ANP32A: variants seen among roughly 807,000 people sequenced by gnomAD.
The protein encoded by ANP32A is acidic leucine-rich nuclear phosphoprotein 32 family member A.
In ANP32A, 1 loss-of-function variant was observed where a neutral mutation model predicts 33.9. That is an observed-to-expected ratio of 0.03 (90% CI 0.01 to 0.14). The LOEUF is 0.14. Among genes scored for constraint, ANP32A ranks in the 10% least tolerant of loss-of-function variants. The pLI is 1.00. For missense variants in ANP32A, 155 were observed against 306.0 expected (o/e 0.51, Z 3.68); for synonymous variants, 115 against 120.5 (o/e 0.95, Z 0.30).
chr15:68,780,287 G>C lies in ANP32A; in HGVS notation c.688+123C>G, dbSNP rs546718455. 1 of 1,566,930 alleles carries C rather than the reference G, an allele frequency of 6.4e-7. No homozygotes were observed. The highest frequency in any genetic ancestry group is 2.3e-5 in the East Asian group (1 of 44,238). ...GGCAAGACATCTGCACAGCTGGAAG[G>C]GGAATCTGAGGCCTCTGACAGGAGT... On this transcript the variant is annotated intron_variant, in intron 6 of 6. Transcript: ENST00000465139. The surrounding 1 kb of genome is among the most constrained non-coding windows in gnomAD (Gnocchi z 4.3).
In ANP32A at chr15:68,780,152, TA is replaced by T. The variant is rs1893848977; in HGVS notation, c.689-11del. ...TGACCCCTTTCTTCTTCTGGAAAAGTAAGAAAGCGGCATTTAGATTAGTTAT... is the reference window on the plus strand; with the variant it reads ...TGACCCCTTTCTTCTTCTGGAAAAGTAGAAAGCGGCATTTAGATTAGTTAT... On this transcript the variant is annotated splice_polypyrimidine_tract_variant and intron_variant, in intron 6 of 6. Transcript: ENST00000465139. This position sits in a 1 kb window ranked among gnomAD's most constrained non-coding sequence, Gnocchi z 4.3. The T allele has an allele frequency of 1.2e-6, 2 of 1,613,482 alleles. No individual in the cohort carries two copies. Among genetic ancestry groups the T allele is most frequent in the African/African-American group, 2.7e-5 (2 of 74,876 alleles).
chr15:68,793,073 C>T (rs1206677734), intron 1 of ANP32A, among the ~76,000 whole-genome samples: 1 of 152,126 alleles, frequency 6.6e-6, no homozygotes, highest in Non-Finnish European at 1.5e-5. Flanking sequence ...TCTGTGCATC[C>T]TGGGGCACCA....
intron 1 of ANP32A, among the ~76,000 whole-genome samples, chr15:68,819,945 GAAGGGAGGCAGAGA>G (rs926519606): frequency 2.0e-5 from 3 of 152,168 alleles, no homozygotes; most frequent in African/African-American, 7.2e-5. Flanking sequence ...AGGAGGAGAG[GAAGGGAGGCAGAGA>G]AAGGGAGGGA....
chr15:68,779,824 AG>A lies in ANP32A; in HGVS notation c.*256del. The stretch of plus-strand genomic sequence containing the variant: ...GTGTGTACTTAGCTATCGCATTTAC[AG>A]GGACAAAAACCGGACACAAAGAAAA... On this transcript the variant is annotated 3_prime_UTR_variant, in exon 7 of 7. Coordinates refer to ENST00000465139, the MANE Select transcript of ANP32A (RefSeq NM_006305.4). The A allele has an allele frequency of 2.0e-6, 1 of 496,530 alleles. No homozygotes were observed. The highest frequency in any genetic ancestry group is 3.6e-6 in the Non-Finnish European group (1 of 278,660). The allele number at this position is 496,530 out of a possible 1,614,324, so 30.8% of individuals were successfully genotyped here.
chr15:68,788,585 G>A (rs539453473), intron 1 of ANP32A, among the ~76,000 whole-genome samples: 11 of 152,344 alleles, frequency 7.2e-5, no homozygotes, highest in African/African-American at 2.6e-4. Flanking sequence ...ATGTGGCCAC[G>A]GAGTGCGGCC....
chr15:68,801,852 C>CT (rs1339323520), intron 1 of ANP32A: 1 of 154,696 alleles, frequency 6.5e-6, no homozygotes, highest in East Asian at 1.9e-4. Context: ...AGGATAAACT[C>CT]TGAGGAATGG....
intron 1 of ANP32A, among the ~76,000 whole-genome samples, chr15:68,818,944 C>T (rs1178882435): frequency 6.6e-6 from 1 of 151,884 alleles, no homozygotes; most frequent in African/African-American, 2.4e-5. Flanking sequence ...CGGCCTCCAC[C>T]GGCGGCGCCC....
intron 1 of ANP32A, among the ~76,000 whole-genome samples, chr15:68,815,497 A>T (rs934930362): frequency 1.3e-5 from 2 of 152,210 alleles, no homozygotes; most frequent in African/African-American, 4.8e-5. Context: ...GGATTCAAAG[A>T]GTGTTCCATA....
chr15:68,792,868 TA>T (rs1384162546), intron 1 of ANP32A, among the ~76,000 whole-genome samples: 6 of 152,198 alleles, frequency 3.9e-5, no homozygotes, highest in African/African-American at 1.4e-4. Context: ...GTTTAACCTA[TA>T]AAGAGTAAAC....
Position 68,779,928 on chromosome 15 carries a change from C to A in ANP32A, c.*153G>T. The A allele has an allele frequency of 5.7e-5, 19 of 336,258 alleles. 1 individual carries two copies. Among genetic ancestry groups the A allele is most frequent in the South Asian group, 3.0e-4 (6 of 20,214 alleles). 20.8% of individuals were successfully genotyped at this position (336,258 alleles called of 1,614,324 possible). On this transcript the variant is annotated 3_prime_UTR_variant, in exon 7 of 7. Coordinates refer to ENST00000465139, the MANE Select transcript of ANP32A (RefSeq NM_006305.4). ...CCACCCGCCATCCCTCCCCCCGCAA[C>A]CCCCAGTACACTCTTCCCCTCTCGT...
intron 1 of ANP32A, 98 bp from the exon 2 acceptor site, chr15:68,788,017 A>G: frequency 7.0e-7 from 1 of 1,433,230 alleles, no homozygotes; most frequent in African/African-American, 1.4e-5. Context: ...AGACAGACGC[A>G]GGAAGCAGTC....
intron 1 of ANP32A, chr15:68,789,623 G>C (rs1893975538): frequency 6.6e-6 from 1 of 152,470 alleles, no homozygotes; most frequent in African/African-American, 2.4e-5. Flanking sequence ...AGTGGGCAGA[G>C]CAGGGGAGCA....
At chr15:68,802,511 A>G (rs1894150522) in intron 1 of ANP32A, among the ~76,000 whole-genome samples, 2 of 152,074 alleles carry the variant, frequency 1.3e-5, no homozygotes, top group South Asian at 4.1e-4. Flanking sequence ...GTTGCTTCCA[A>G]TCTTTTGTGT....
intron 1 of ANP32A, among the ~76,000 whole-genome samples, chr15:68,793,393 C>CTG (rs1297655193): frequency 6.6e-6 from 1 of 152,116 alleles, no homozygotes; most frequent in Non-Finnish European, 1.5e-5. Context: ...GGCAGGTCAG[C>CTG]TGTGCACACT....
In ANP32A at chr15:68,787,871, C is replaced by T; in HGVS notation, c.103G>A (p.Glu35Lys). The T allele has an allele frequency of 6.2e-7, 1 of 1,614,102 alleles. No homozygotes were observed. The highest frequency in any genetic ancestry group is 8.5e-7 in the Non-Finnish European group (1 of 1,180,022). The change falls in exon 2 of 7, where the codon GAA becomes AAA. Residue 35 changes from glutamate to lysine, a missense_variant. Coordinates refer to ENST00000465139, the MANE Select transcript of ANP32A (RefSeq NM_006305.4). ...DNSRSNEGKL[E>K]GLTDEFEELE... ...TCTTCAAATTCATCTGTGAGGCCTT[C>T]GAGTTTGCCTTCATTCGACCGACTG...
At chr15:68,798,525 A>ACTAACT (rs1204167208) in intron 1 of ANP32A, among the ~76,000 whole-genome samples, 2 of 152,188 alleles carry the variant, frequency 1.3e-5, no homozygotes, top group Non-Finnish European at 2.9e-5. Flanking sequence ...CTGGGTGGAA[A>ACTAACT]CTAACTCTGT....
At chr15:68,784,274 C>A (rs958837304) in intron 4 of ANP32A, 123 bp downstream of exon 4, 29 of 1,140,796 alleles carry the variant, frequency 2.5e-5, no homozygotes, top group East Asian at 5.1e-5. Context: ...AGACAGACAG[C>A]CAGCCTTCAG....
At chr15:68,818,389 T>A (rs1485118434) in intron 1 of ANP32A, 1 of 162,112 alleles carries the variant, frequency 6.2e-6, no homozygotes, top group African/African-American at 2.4e-5. Context: ...GAGCCATTTG[T>A]CTTAAGAACG....
chr15:68,779,974 C>T lies in ANP32A; in HGVS notation c.*107G>A. Reference sequence around the variant, plus strand: ...CTCGTTCCCACAGCAACGTTACAATCAGAAAAAAATAAGTTTCAGGGGGCA... The same window carrying T: ...CTCGTTCCCACAGCAACGTTACAATTAGAAAAAAATAAGTTTCAGGGGGCA... On this transcript the variant is annotated 3_prime_UTR_variant, in exon 7 of 7. Coordinates refer to ENST00000465139, the MANE Select transcript of ANP32A (RefSeq NM_006305.4). 2.4e-6 allele frequency: 2 copies of T among 845,352 alleles called. No individual in the cohort carries two copies. Among genetic ancestry groups the T allele is most frequent in the East Asian group, 9.1e-5 (2 of 22,098 alleles). The allele number at this position is 845,352 out of a possible 1,614,324, so 52.4% of individuals were successfully genotyped here. A position where few individuals can be genotyped will look rare whatever the true frequency, so the allele number is the denominator to read the frequency against.
Sources: gnomAD v4.1 joint callset for allele counts (sites outside exome capture counted in the v4.1 genomes callset) on GRCh38, gnomAD v4.1.1 for gene constraint, Gnocchi (gnomAD v3.1) non-coding constraint, MANE v1.5 for transcripts, NCBI Gene and HGNC (gene_info 2026-07-23, HGNC 2026-07-21) for gene names.